PLEKHM3: variants seen among roughly 807,000 people sequenced by gnomAD.
The protein encoded by PLEKHM3 is pleckstrin homology domain containing M3, also known as pleckstrin homology domain-containing family M member 3.
PLEKHM3 carries 45 observed loss-of-function variants against 81.8 expected under a neutral mutation model. The observed-to-expected ratio is 0.55, with a 90% CI of 0.43 to 0.71. The LOEUF (loss-of-function observed/expected upper bound fraction) is 0.71, where lower values mean the gene tolerates loss of function less well. Among genes scored for constraint, PLEKHM3 ranks in the 30% least tolerant of loss-of-function variants. PLEKHM3 has a pLI of 0.00. For synonymous variants in PLEKHM3, 352 were observed against 356.4 expected, an observed-to-expected ratio of 0.99 and a Z score of 0.14; for missense variants, 788 against 924.3, an observed-to-expected ratio of 0.85 and a Z score of 1.91.
chr2:207,828,342 C>G lies in PLEKHM3; in HGVS notation c.2263G>C (p.Glu755Gln). The change falls in exon 8 of 8, where the codon GAG (glutamate) becomes CAG (glutamine). Residue 755 changes from glutamate to glutamine, a missense_variant. By Grantham distance (29) the Glu-to-Gln change is conservative. Coordinates refer to ENST00000427836, the MANE Select transcript of PLEKHM3 (RefSeq NM_001080475.3). The part of the protein sequence containing the change: ...ESLEEACTMF[E>Q]LSYQNT ...AGTCAGGTGTTCTGGTAGGACAGCT[C>G]GAACATGGTGCAAGCCTCCTCTAGA... 1 of 1,613,320 alleles carries G rather than the reference C, an allele frequency of 6.2e-7. No individual in the cohort carries two copies. Among genetic ancestry groups the G allele is most frequent in the Non-Finnish European group, 8.5e-7 (1 of 1,179,720 alleles).
intron 5 of PLEKHM3, among the ~76,000 whole-genome samples, chr2:207,909,237 C>T (rs1014557733): frequency 9.2e-5 from 14 of 152,134 alleles, no homozygotes; most frequent in African/African-American, 2.2e-4. Flanking sequence ...AGCTGCTGTC[C>T]GTTCACAGCA....
intron 4 of PLEKHM3, among the ~76,000 whole-genome samples, chr2:207,941,301 C>A (rs946832048): frequency 2.0e-5 from 3 of 152,088 alleles, no homozygotes; most frequent in African/African-American, 7.2e-5. Context: ...TGGAACAGAA[C>A]AAGAACCCAG....
At position 208,001,824 on chromosome 2, in the gene PLEKHM3, T is replaced by G; in HGVS notation, c.-185A>C. On this transcript the variant is annotated 5_prime_UTR_variant, in exon 2 of 8. It removes an upstream start codon present in the reference 5' UTR. Transcript: ENST00000427836. ...GATGTTTTCCTGGTAATTAAAAGCATTTGCTAGTGGCTAATGGGCATTAAC... is the reference window on the plus strand; with the variant it reads ...GATGTTTTCCTGGTAATTAAAAGCAGTTGCTAGTGGCTAATGGGCATTAAC... 2 of 917,068 alleles carry G rather than the reference T, an allele frequency of 2.2e-6. No homozygotes were observed. The highest frequency in any genetic ancestry group is 3.2e-6 in the Non-Finnish European group (2 of 626,494). The allele number at this position is 917,068 out of a possible 1,614,324, so 56.8% of individuals were successfully genotyped here. A position where few individuals can be genotyped will look rare whatever the true frequency, so the allele number is the denominator to read the frequency against.
intron 6 of PLEKHM3, among the ~76,000 whole-genome samples, chr2:207,902,390 T>G: frequency 6.6e-6 from 1 of 152,222 alleles, no homozygotes; most frequent in South Asian, 2.1e-4. Context: ...AAAGTGGCCT[T>G]GAAATACCTT....
rs148141014 is a variant in PLEKHM3 at position 207,903,299 on chromosome 2, G to A, written c.1950+5215C>T. ...AGGGCCCAGGGAAGGAAAATAATGA[G>A]AAAATTAGCTCCTTAGATTGTCTCA... On this transcript the variant is annotated intron_variant, in intron 6 of 7. Transcript: ENST00000427836. 3.0e-3 allele frequency among the ~76,000 whole-genome samples: 456 copies of A among 152,248 alleles called. 6 individuals carry two copies. Among genetic ancestry groups the A allele is most frequent in the African/African-American group, 0.01 (435 of 41,546 alleles).
intron 7 of PLEKHM3, among the ~76,000 whole-genome samples, chr2:207,855,118 C>A (rs528060279): frequency 6.6e-6 from 1 of 152,196 alleles, no homozygotes; most frequent in South Asian, 2.1e-4. Context: ...ACCAAGGCTC[C>A]CTGGACACAT....
intron 5 of PLEKHM3, among the ~76,000 whole-genome samples, chr2:207,914,640 C>T (rs984911557): frequency 6.6e-6 from 1 of 150,564 alleles, no homozygotes; most frequent in South Asian, 2.1e-4. Flanking sequence ...CATGATCATG[C>T]CACTGTAGTC....
intron 6 of PLEKHM3, among the ~76,000 whole-genome samples, chr2:207,896,006 C>T (rs1037465595): frequency 6.6e-6 from 1 of 152,230 alleles, no homozygotes; most frequent in Non-Finnish European, 1.5e-5. Flanking sequence ...TGAGCCTACA[C>T]TCAGCGACCT....
intron 1 of PLEKHM3, among the ~76,000 whole-genome samples, chr2:208,010,176 C>G (rs915403561): frequency 6.6e-6 from 1 of 152,212 alleles, no homozygotes; most frequent in African/African-American, 2.4e-5. Context: ...CCATTTAAAG[C>G]ATTTTTCAGT....
Position 207,925,111 on chromosome 2 carries a change from G to C in PLEKHM3, c.1886+5815C>G, listed in dbSNP as rs568796779. 3.3e-5 allele frequency among the ~76,000 whole-genome samples: 5 copies of C among 151,614 alleles called. No homozygotes were observed. In the South Asian group the frequency reaches 1.0e-3, roughly 32 times the overall value. ...TCTGAGTGCTTAAGATGGGATCTTAGGTGGTAGTATGAACAGGGTTGTTTT... is the reference window on the plus strand; with the variant it reads ...TCTGAGTGCTTAAGATGGGATCTTACGTGGTAGTATGAACAGGGTTGTTTT... On this transcript the variant is annotated intron_variant, in intron 5 of 7. Transcript: ENST00000427836.
intron 3 of PLEKHM3, among the ~76,000 whole-genome samples, chr2:207,959,222 T>C (rs114783623): frequency 1.4e-3 from 214 of 152,370 alleles, no homozygotes; most frequent in Non-Finnish European, 2.5e-3. Flanking sequence ...CTGAACACTT[T>C]TGCCTCACAG....
intron 6 of PLEKHM3, among the ~76,000 whole-genome samples, chr2:207,869,286 T>TCA (rs2092519701): frequency 6.6e-6 from 1 of 152,146 alleles, no homozygotes; most frequent in African/African-American, 2.4e-5. Context: ...ATTTATTCCC[T>TCA]CAAAGGGCAT....
chr2:207,946,306 A>C, intron 4 of PLEKHM3, 61 bp downstream of exon 4: 2 of 1,541,092 alleles, frequency 1.3e-6, no homozygotes, highest in South Asian at 2.4e-5. Flanking sequence ...TTTATAATCC[A>C]CCTGAGAACA....
chr2:207,902,024 T>C (rs1472998323), intron 6 of PLEKHM3, among the ~76,000 whole-genome samples: 1 of 152,170 alleles, frequency 6.6e-6, no homozygotes, highest in Non-Finnish European at 1.5e-5. Flanking sequence ...CACTAATGCC[T>C]GGGTGGACAA....
chr2:208,024,003 C>A (rs569214352), intron 1 of PLEKHM3, among the ~76,000 whole-genome samples: 2 of 151,882 alleles, frequency 1.3e-5, no homozygotes, highest in South Asian at 4.2e-4. Flanking sequence ...ATTAGCCAGG[C>A]GTGGTGGCTT....
At position 207,909,593 on chromosome 2, in the gene PLEKHM3, G is replaced by A. The variant is rs560852311; in HGVS notation, c.1887-1016C>T. ...ATAAATACAATACAATGTGGTAATT[G>A]AAAATGATAAAGAGTTATGCATGGG... On this transcript the variant is annotated intron_variant, in intron 5 of 7. Transcript: ENST00000427836. 3.3e-3 allele frequency among the ~76,000 whole-genome samples: 505 copies of A among 152,278 alleles called. 2 individuals carry two copies. The highest frequency in any genetic ancestry group is 0.014 in the Middle Eastern group (4 of 294).
At chr2:207,884,024 C>T (rs1687796867) in intron 6 of PLEKHM3, among the ~76,000 whole-genome samples, 1 of 152,066 alleles carries the variant, frequency 6.6e-6, no homozygotes, top group Admixed American at 6.5e-5. Context: ...ACAGGCCAGG[C>T]ATGGTGGCTC....
intron 7 of PLEKHM3, chr2:207,852,912 CTG>C (rs2092420106): frequency 2.5e-6 from 1 of 408,096 alleles, no homozygotes; most frequent in Non-Finnish European, 4.7e-6. Context: ...CTTTTAGAAA[CTG>C]TGGAACTTCT....
At chr2:207,970,981 G>A (rs1181472502) in intron 3 of PLEKHM3, among the ~76,000 whole-genome samples, 2 of 152,244 alleles carry the variant, frequency 1.3e-5, no homozygotes. Context: ...AAATGGTGTA[G>A]GGGATCCCCC....
Sources: allele counts gnomAD v4.1 joint callset (sites outside exome capture counted in the v4.1 genomes callset), GRCh38; gene constraint gnomAD v4.1.1; transcripts MANE v1.5; gene names NCBI Gene and HGNC (gene_info 2026-07-23, HGNC 2026-07-21).